Variants in CYSTM1 observed in about 807,000 individuals in gnomAD.
CYSTM1 encodes the protein cysteine rich transmembrane module containing 1.
A neutral mutation model predicts 13.1 loss-of-function variants in CYSTM1; 4 were observed. The observed-to-expected ratio is 0.31, with a 90% CI of 0.15 to 0.70. The LOEUF (loss-of-function observed/expected upper bound fraction) is 0.70. CYSTM1 is among the 30% of genes least tolerant of loss of function. The pLI is 0.72. For synonymous variants in CYSTM1, 36 were observed against 42.7 expected, an observed-to-expected ratio of 0.84 and a Z score of 0.62; for missense variants, 96 against 121.6, an observed-to-expected ratio of 0.79 and a Z score of 0.99.
chr5:140,176,995 G>A (rs974223598), intron 1 of CYSTM1, among the ~76,000 whole-genome samples: 1 of 151,256 alleles, frequency 6.6e-6, no homozygotes, highest in Non-Finnish European at 1.5e-5. Context: ...CGTGAACCCG[G>A]GAGGTGGAGC....
chr5:140,237,922 CCTA>C (rs1764701205), intron 2 of CYSTM1, among the ~76,000 whole-genome samples: 1 of 152,172 alleles, frequency 6.6e-6, no homozygotes, highest in Non-Finnish European at 1.5e-5. Context: ...CTTCTGAAGA[CCTA>C]CAAGCAAGGA....
At chr5:140,224,513 TTG>T (rs1339833288) in intron 2 of CYSTM1, among the ~76,000 whole-genome samples, 1 of 152,040 alleles carries the variant, frequency 6.6e-6, no homozygotes, top group Non-Finnish European at 1.5e-5. Flanking sequence ...GCAATAGGCA[TTG>T]TTTCTTTTTT....
chr5:140,186,673 T>C (rs1242722917), intron 1 of CYSTM1, among the ~76,000 whole-genome samples: 1 of 152,206 alleles, frequency 6.6e-6, no homozygotes, highest in East Asian at 1.9e-4. Flanking sequence ...TGCTTACCAT[T>C]ATCTCAGCAG....
intron 1 of CYSTM1, among the ~76,000 whole-genome samples, chr5:140,184,722 A>T (rs1384915205): frequency 6.6e-6 from 1 of 152,220 alleles, no homozygotes; most frequent in Non-Finnish European, 1.5e-5. Flanking sequence ...CCCTGGATCC[A>T]ACTAGAGGTT....
At chr5:140,234,905 T>C (rs936668519) in intron 2 of CYSTM1, among the ~76,000 whole-genome samples, 3 of 152,134 alleles carry the variant, frequency 2.0e-5, no homozygotes, top group African/African-American at 7.2e-5. Context: ...GTACTAGGCA[T>C]GATTAGGTTT....
intron 2 of CYSTM1, among the ~76,000 whole-genome samples, chr5:140,199,548 T>A (rs912069866): frequency 2.6e-5 from 4 of 152,250 alleles, no homozygotes; most frequent in Non-Finnish European, 4.4e-5. Context: ...TGGAGTGCAG[T>A]GGCGCGATCT....
intron 1 of CYSTM1, among the ~76,000 whole-genome samples, chr5:140,184,041 C>T (rs1009763407): frequency 2.0e-4 from 30 of 152,054 alleles, no homozygotes; most frequent in African/African-American, 7.0e-4. Context: ...AGATGATTAG[C>T]AAGGGTTTTA....
chr5:140,178,494 G>C (rs1037209838), intron 1 of CYSTM1, among the ~76,000 whole-genome samples: 3 of 127,888 alleles, frequency 2.3e-5, no homozygotes, highest in Non-Finnish European at 4.7e-5. Context: ...ATGTTGCCCA[G>C]GTTGGTCTCT....
At position 140,230,832 on chromosome 5, in the gene CYSTM1, T is replaced by A. The variant is rs779308004; in HGVS notation, c.188-12473T>A. Among the ~76,000 whole-genome samples the A allele has an allele frequency of 5.9e-5, 9 of 152,244 alleles. No homozygotes were observed. Among genetic ancestry groups the A allele is most frequent in the Non-Finnish European group, 1.3e-4 (9 of 68,038 alleles). Reference sequence around the variant, plus strand: ...ATTTGTCATATACCACGTTCCCATATACGAATTAGAATATGAGCTAGAATC... The same window carrying A: ...ATTTGTCATATACCACGTTCCCATAAACGAATTAGAATATGAGCTAGAATC... On this transcript the variant is annotated intron_variant, in intron 2 of 2. Transcript: ENST00000261811. This position sits in a 1 kb window ranked among gnomAD's most constrained non-coding sequence, Gnocchi z 4.1.
At chr5:140,198,460 C>T (rs942220127) in intron 2 of CYSTM1, among the ~76,000 whole-genome samples, 2 of 152,188 alleles carry the variant, frequency 1.3e-5, no homozygotes, top group African/African-American at 4.8e-5. Context: ...TTTGCCTCCA[C>T]GAGGCCTCTC....
intron 2 of CYSTM1, among the ~76,000 whole-genome samples, chr5:140,215,400 A>G (rs1360061151): frequency 6.6e-6 from 1 of 152,106 alleles, no homozygotes; most frequent in African/African-American, 2.4e-5. Context: ...GACCAAGTCC[A>G]GAGCGATCAG....
At chr5:140,216,557 T>C (rs545169068) in intron 2 of CYSTM1, among the ~76,000 whole-genome samples, 1 of 152,312 alleles carries the variant, frequency 6.6e-6, no homozygotes, top group East Asian at 1.9e-4. Flanking sequence ...GTTCCAGGCT[T>C]ACCCTGGCTC....
intron 2 of CYSTM1, among the ~76,000 whole-genome samples, chr5:140,209,437 T>C (rs1247179110): frequency 1.3e-5 from 2 of 150,992 alleles, no homozygotes; most frequent in Non-Finnish European, 3.0e-5. Flanking sequence ...TGGCTAATTT[T>C]TTTTTTTTTT....
rs573431945 is a variant in CYSTM1 at position 140,178,103 on chromosome 5, G to A, written c.-21+2818G>A. On this transcript the variant is annotated intron_variant, in intron 1 of 2. Coordinates refer to ENST00000261811, the MANE Select transcript of CYSTM1 (RefSeq NM_032412.4). The stretch of plus-strand genomic sequence containing the variant: ...CAAACTATAATAAACAACAGGGCTG[G>A]CCTTTAATAGAAATGCTCTTTCTTA... 2.6e-5 allele frequency among the ~76,000 whole-genome samples: 4 copies of A among 152,262 alleles called. No homozygotes were observed. In the South Asian group the frequency reaches 6.2e-4, roughly 24 times the overall value.
At chr5:140,191,467 T>C (rs1764095163) in intron 1 of CYSTM1, among the ~76,000 whole-genome samples, 1 of 152,162 alleles carries the variant, frequency 6.6e-6, no homozygotes, top group African/African-American at 2.4e-5. Context: ...ACGCATACAC[T>C]TGGAAGAGAG....
At chr5:140,225,908 G>A (rs1395301816) in intron 2 of CYSTM1, among the ~76,000 whole-genome samples, 2 of 152,194 alleles carry the variant, frequency 1.3e-5, no homozygotes, top group African/African-American at 4.8e-5. Context: ...ACAGCGAGGG[G>A]CTAACTGATC....
intron 1 of CYSTM1, among the ~76,000 whole-genome samples, chr5:140,189,429 A>C (rs758746478): frequency 4.6e-5 from 7 of 152,040 alleles, no homozygotes; most frequent in Admixed American, 4.6e-4. Context: ...TGCCAGCACT[A>C]TGCTTCTTGT....
intron 2 of CYSTM1, among the ~76,000 whole-genome samples, chr5:140,206,258 G>A (rs556131041): frequency 1.4e-5 from 2 of 140,548 alleles, no homozygotes; most frequent in African/African-American, 2.7e-5. Context: ...TAATTGTAGC[G>A]CCCCCACTGG....
chr5:140,216,784 G>T (rs192665402), intron 2 of CYSTM1, among the ~76,000 whole-genome samples: 1 of 152,128 alleles, frequency 6.6e-6, no homozygotes, highest in African/African-American at 2.4e-5. Context: ...GTGTAGCCAG[G>T]CTGGGATCCT....
Sources: gnomAD v4.1 joint callset for allele counts (sites outside exome capture counted in the v4.1 genomes callset) on GRCh38, gnomAD v4.1.1 for gene constraint, Gnocchi (gnomAD v3.1) non-coding constraint, MANE v1.5 for transcripts, NCBI Gene and HGNC (gene_info 2026-07-23, HGNC 2026-07-21) for gene names.